LINGO2: variants seen among roughly 807,000 people sequenced by gnomAD.
The protein encoded by LINGO2 is leucine rich repeat and Ig domain containing 2.
In LINGO2, 14 loss-of-function variants were observed where a neutral mutation model predicts 30.6. That is an observed-to-expected ratio of 0.46 (90% CI 0.30 to 0.72). The LOEUF (loss-of-function observed/expected upper bound fraction) is 0.72. Ranked by LOEUF, LINGO2 falls within the 30% of genes least tolerant of loss-of-function variation. The probability of loss-of-function intolerance (pLI) is 0.07; values close to 1 mark genes in which losing one functional copy is unlikely to be tolerated. For missense variants in LINGO2, 729 were observed against 751.7 expected, an observed-to-expected ratio of 0.97 and a Z score of 0.35; for synonymous variants, 317 against 288.5, an observed-to-expected ratio of 1.10 and a Z score of -1.00.
At chr9:28,021,354 G>A (rs1823111985) in intron 4 of LINGO2, among the ~76,000 whole-genome samples, 1 of 152,118 alleles carries the variant, frequency 6.6e-6, no homozygotes, top group Non-Finnish European at 1.5e-5. Flanking sequence ...TCCCATTGTA[G>A]TCTAAGTACA....
At chr9:28,577,916 C>G (rs979714658) in intron 1 of LINGO2, among the ~76,000 whole-genome samples, 1 of 152,126 alleles carries the variant, frequency 6.6e-6, no homozygotes, top group African/African-American at 2.4e-5. Context: ...GAAATGGAAG[C>G]TTTTTCTGAA....
At chr9:28,296,957 T>C (rs1823945743) in intron 3 of LINGO2, among the ~76,000 whole-genome samples, 1 of 152,232 alleles carries the variant, frequency 6.6e-6, no homozygotes, top group Non-Finnish European at 1.5e-5. Context: ...ATCATATCAC[T>C]TATTTTATAA....
intron 1 of LINGO2, among the ~76,000 whole-genome samples, chr9:28,481,855 T>C (rs1416205578): frequency 1.3e-5 from 2 of 150,900 alleles, no homozygotes; most frequent in Non-Finnish European, 3.0e-5. Flanking sequence ...TTCCCACCTA[T>C]GAGTGAGAAT....
chr9:28,422,189 T>A (rs189573472), intron 2 of LINGO2, among the ~76,000 whole-genome samples: 181 of 152,102 alleles, frequency 1.2e-3, no homozygotes, highest in African/African-American at 4.3e-3. Flanking sequence ...AAAATTGAAA[T>A]TGTGCATCAA....
the LINGO2 span, among the ~76,000 whole-genome samples, chr9:28,722,428 C>T: frequency 2.0e-5 from 3 of 152,170 alleles, no homozygotes; most frequent in Non-Finnish European, 4.4e-5. Context: ...TCCTAACAAA[C>T]GTCAAAGTTG....
intron 5 of LINGO2, among the ~76,000 whole-genome samples, chr9:27,964,031 ACTCT>A (rs1819979109): frequency 6.6e-6 from 1 of 152,016 alleles, no homozygotes; most frequent in Non-Finnish European, 1.5e-5. Context: ...TTGGATTTCA[ACTCT>A]CTTTTTACAG....
chr9:29,118,491 G>A, the LINGO2 span, among the ~76,000 whole-genome samples: 10 of 152,266 alleles, frequency 6.6e-5, no homozygotes, highest in African/African-American at 2.2e-4. Context: ...TCTGGCAGCC[G>A]TTCATAGTCA....
chr9:28,955,119 A>C, the LINGO2 span, among the ~76,000 whole-genome samples: 1 of 152,106 alleles, frequency 6.6e-6, no homozygotes, highest in Admixed American at 6.6e-5. Flanking sequence ...TAGGGAGAGA[A>C]GGAGGAAAGT....
chr9:29,101,960 A>G, the LINGO2 span, among the ~76,000 whole-genome samples: 2 of 152,294 alleles, frequency 1.3e-5, no homozygotes, highest in East Asian at 1.9e-4. Flanking sequence ...CCTTGTATCA[A>G]AAATATTTTT....
At chr9:29,109,013 A>G in the LINGO2 span, among the ~76,000 whole-genome samples, 1 of 152,216 alleles carries the variant, frequency 6.6e-6, no homozygotes, top group Non-Finnish European at 1.5e-5. Context: ...TAAAATATAT[A>G]GCAATTTTCT....
At chr9:28,898,594 T>A in the LINGO2 span, among the ~76,000 whole-genome samples, 1,942 of 152,244 alleles carry the variant, frequency 0.013, 32 homozygotes, top group African/African-American at 0.041. Flanking sequence ...CCTTTTTTTT[T>A]AAAATACATA....
chr9:29,021,972 A>G, the LINGO2 span, among the ~76,000 whole-genome samples: 6 of 152,146 alleles, frequency 3.9e-5, no homozygotes, highest in African/African-American at 1.4e-4. Context: ...AGGTTAAAAT[A>G]ACATTTCTTA....
intron 4 of LINGO2, among the ~76,000 whole-genome samples, chr9:28,068,571 T>C (rs1825381502): frequency 6.6e-6 from 1 of 152,222 alleles, no homozygotes; most frequent in African/African-American, 2.4e-5. Context: ...ATTCATTCAA[T>C]AGTAATCATT....
chr9:28,548,603 C>G (rs919598587), intron 1 of LINGO2, among the ~76,000 whole-genome samples: 8 of 145,946 alleles, frequency 5.5e-5, no homozygotes, highest in African/African-American at 1.8e-4. Context: ...ACTCGGGAGG[C>G]TGAGGCAGGA....
At chr9:28,037,998 G>A (rs1371117863) in intron 4 of LINGO2, among the ~76,000 whole-genome samples, 1 of 152,208 alleles carries the variant, frequency 6.6e-6, no homozygotes, top group African/African-American at 2.4e-5. Flanking sequence ...ATTACACAGT[G>A]AATAGTAACT....
At chr9:28,241,430 T>C (rs2133974702) in intron 4 of LINGO2, among the ~76,000 whole-genome samples, 1 of 152,266 alleles carries the variant, frequency 6.6e-6, no homozygotes, top group Non-Finnish European at 1.5e-5. Context: ...ATCAGGGTTC[T>C]GTCATTAGGA....
At chr9:28,510,175 TA>T (rs775512465) in intron 1 of LINGO2, among the ~76,000 whole-genome samples, 44 of 152,184 alleles carry the variant, frequency 2.9e-4, no homozygotes, top group Non-Finnish European at 6.0e-4. Flanking sequence ...TAAACATGGT[TA>T]TTAATATACA....
chr9:28,726,485 T>A, the LINGO2 span, among the ~76,000 whole-genome samples: 1 of 152,156 alleles, frequency 6.6e-6, no homozygotes, highest in East Asian at 1.9e-4. Context: ...AAGAAAAAAA[T>A]AAAATTAAAT....
At chr9:28,567,913 T>C (rs1823468106) in intron 1 of LINGO2, among the ~76,000 whole-genome samples, 1 of 152,112 alleles carries the variant, frequency 6.6e-6, no homozygotes, top group African/African-American at 2.4e-5. Context: ...TTACTCTGAC[T>C]CTACTCACTG....
Sources: allele counts gnomAD v4.1 joint callset (sites outside exome capture counted in the v4.1 genomes callset), GRCh38; gene constraint gnomAD v4.1.1; transcripts MANE v1.5; gene names NCBI Gene and HGNC (gene_info 2026-07-23, HGNC 2026-07-21).